Variants in CACNA1S observed in about 807,000 individuals in gnomAD.
CACNA1S encodes voltage-dependent L-type calcium channel subunit alpha-1S.
CACNA1S carries 126 observed loss-of-function variants against 207.4 expected under a neutral mutation model. That is an observed-to-expected ratio of 0.61 (90% CI 0.53 to 0.70). CACNA1S has a LOEUF of 0.70. CACNA1S is among the 30% of genes least tolerant of loss of function. The probability of loss-of-function intolerance (pLI) is 0.00; values close to 1 mark genes in which losing one functional copy is unlikely to be tolerated. For synonymous variants in CACNA1S, 960 were observed against 932.7 expected, an observed-to-expected ratio of 1.03 and a Z score of -0.53; for missense variants, 2,349 against 2,422.8, an observed-to-expected ratio of 0.97 and a Z score of 0.64.
At chr1:201,095,844 C>T (rs1035379321) in intron 2 of CACNA1S, among the ~76,000 whole-genome samples, 6 of 152,134 alleles carry the variant, frequency 3.9e-5, no homozygotes, top group African/African-American at 7.2e-5. Flanking sequence ...GCAAGAGGAG[C>T]GGGCTGGAGC....
chr1:201,069,233 G>C lies in CACNA1S; in HGVS notation c.2491-37C>G, dbSNP rs759283476. 3 of 1,584,990 alleles carry C rather than the reference G, an allele frequency of 1.9e-6. No individual in the cohort carries two copies. The South Asian group carries it at 3.3e-5, about 18-fold the overall frequency. ...GCAGGGGCGGGAGCAGCCAGTGAGAGGAGGAGGGGGCAACAGTATCAGCAG... is the reference window on the plus strand; with the variant it reads ...GCAGGGGCGGGAGCAGCCAGTGAGACGAGGAGGGGGCAACAGTATCAGCAG... On this transcript the variant is annotated intron_variant, in intron 18 of 43. Transcript: ENST00000362061.
At position 201,043,561 on chromosome 1, in the gene CACNA1S, G is replaced by C. The variant is rs555728100; in HGVS notation, c.4798-30C>G. On this transcript the variant is annotated intron_variant, in intron 39 of 43. Coordinates refer to ENST00000362061, the MANE Select transcript of CACNA1S (RefSeq NM_000069.3). ...GGGCAAGGAGAAGAGCAGTGACTGGGGGTGAGGGCAGGGAGGGCATGGGGG... is the reference window on the plus strand; with the variant it reads ...GGGCAAGGAGAAGAGCAGTGACTGGCGGTGAGGGCAGGGAGGGCATGGGGG... The C allele has an allele frequency of 1.9e-6, 3 of 1,612,952 alleles. No homozygotes were observed. The East Asian group carries it at 6.7e-5, about 36-fold the overall frequency.
Position 201,069,168 on chromosome 1 carries a change from GT to G in CACNA1S, c.2518del (p.Thr840ProfsTer12). The G allele has an allele frequency of 6.2e-7, 1 of 1,614,218 alleles. No homozygotes were observed. Among genetic ancestry groups the G allele is most frequent in the Non-Finnish European group, 8.5e-7 (1 of 1,180,024 alleles). On this transcript the variant is annotated frameshift_variant, in exon 19 of 44. Coordinates refer to ENST00000362061, the MANE Select transcript of CACNA1S (RefSeq NM_000069.3). LOFTEE classifies it high-confidence loss of function. ...GACAATCTCCACAGTGAAGACAGAG[GT>G]GAACCCGATGTCAAAGTGTTTAAGG... ...QILKHFDIGF[T>X]SVFTVEIVLK... is the part of the protein sequence containing the mutation.
At position 201,065,820 on chromosome 1, in the gene CACNA1S, G is replaced by A. The variant is rs768391679; in HGVS notation, c.2853+18C>T. 15 of 1,586,952 alleles carry A rather than the reference G, an allele frequency of 9.5e-6. No homozygotes were observed. The highest frequency in any genetic ancestry group is 3.3e-5 in the Admixed American group (2 of 59,946). ...CTGGGAGCGGGAGGGGGAGCTGCTC[G>A]CGCAGGCTGGGGCTCACCTTGAAGA... On this transcript the variant is annotated intron_variant, in intron 22 of 43. Coordinates refer to ENST00000362061, the MANE Select transcript of CACNA1S (RefSeq NM_000069.3).
In CACNA1S at chr1:201,079,034, T is replaced by C. The variant is rs185441370; in HGVS notation, c.1394-930A>G. On this transcript the variant is annotated intron_variant, in intron 10 of 43. Transcript: ENST00000362061. ...TACTCGGGAGGCTGAGGCAAGAGAA[T>C]CGCTTGAACCTGGGAGGCGGAGGTT... Among the ~76,000 whole-genome samples the C allele has an allele frequency of 7.1e-3, 1,062 of 150,608 alleles. 6 individuals carry two copies. The highest frequency in any genetic ancestry group is 0.028 in the Middle Eastern group (8 of 288).
chr1:201,069,428 AG>A, intron 18 of CACNA1S, 43 bp downstream of exon 18: 1 of 1,603,640 alleles, frequency 6.2e-7, no homozygotes. Context: ...CTGAGGCTGG[AG>A]GGGGCAGGGG....
In CACNA1S at chr1:201,091,666, T is replaced by A; in HGVS notation, c.668A>T (p.His223Leu). Residue 223 changes from histidine to leucine, a missense_variant, in exon 5 of 44, where the codon CAC becomes CTC. Coordinates refer to ENST00000362061, the MANE Select transcript of CACNA1S (RefSeq NM_000069.3). ...IGLELFKGKM[H>L]KTCYFIGTDI... ...TGTACCAATGAAGTAGCAGGTCTTG[T>A]GCATCTTGCCCTTGAAGAGCTCCAG... The A allele has an allele frequency of 6.2e-7, 1 of 1,614,210 alleles. No homozygotes were observed. Among genetic ancestry groups the A allele is most frequent in the Non-Finnish European group, 8.5e-7 (1 of 1,180,038 alleles).
chr1:201,089,496 A>T, intron 5 of CACNA1S, 33 bp from the exon 6 acceptor site: 2 of 1,603,638 alleles, frequency 1.2e-6, no homozygotes, highest in Middle Eastern at 1.9e-4. Context: ...ACATCAGACA[A>T]CAGTAGTAGG....
At chr1:201,060,231 T>C (rs900027034) in intron 26 of CACNA1S, among the ~76,000 whole-genome samples, 1 of 152,214 alleles carries the variant, frequency 6.6e-6, no homozygotes, top group Admixed American at 6.5e-5. Context: ...CTGCTAATTA[T>C]GATATTGTCT....
chr1:201,060,858 C>T, intron 25 of CACNA1S, 42 bp from the exon 26 acceptor site: 1 of 1,610,528 alleles, frequency 6.2e-7, no homozygotes, highest in Non-Finnish European at 8.5e-7. Context: ...CAAGAGGCCC[C>T]TCCCTCCCTC....
chr1:201,063,310 T>C (rs907990464), intron 22 of CACNA1S, among the ~76,000 whole-genome samples: 1 of 151,766 alleles, frequency 6.6e-6, no homozygotes. Flanking sequence ...CTTTTTTTTT[T>C]TTGTTTGCTC....
rs139589977 is a variant in CACNA1S at position 201,094,460 on chromosome 1, C to T, written c.259-439G>A. Among the ~76,000 whole-genome samples the T allele has an allele frequency of 2.2e-3, 327 of 151,768 alleles. 2 individuals are homozygous for T. Among genetic ancestry groups the T allele is most frequent in the African/African-American group, 7.6e-3 (315 of 41,396 alleles). On this transcript the variant is annotated intron_variant, in intron 2 of 43. Transcript: ENST00000362061. ...TTTTGTCCATTTTTTTTTCATTACT[C>T]GACTTCCAGATATTAGAATGGGTTG...
At chr1:201,091,921 G>A in intron 4 of CACNA1S, 51 bp downstream of exon 4, 3 of 1,612,104 alleles carry the variant, frequency 1.9e-6, no homozygotes, top group African/African-American at 1.3e-5. Context: ...TGGGGGACAA[G>A]GGAACAGGAA....
chr1:201,045,104 T>C (rs1174452557), intron 38 of CACNA1S, among the ~76,000 whole-genome samples: 1 of 152,226 alleles, frequency 6.6e-6, no homozygotes, highest in Non-Finnish European at 1.5e-5. Flanking sequence ...GTCATATATA[T>C]ATAGTTGAGC....
rs373597858 is a variant in CACNA1S at position 201,060,675 on chromosome 1, T to C, written c.3397A>G (p.Ile1133Val). Reference sequence around the variant, plus strand: ...GCCCTTACCTGCATGCCGAGGCAGATGGTGTTGAGCATGATGAGGGCAAAC... The same window carrying C: ...GCCCTTACCTGCATGCCGAGGCAGACGGTGTTGAGCATGATGAGGGCAAAC... ...LMFALIMLNT[I>V]CLGMQHYNQS... The change falls in exon 26 of 44, where the codon ATC becomes GTC. Residue 1133 changes from isoleucine to valine, a missense_variant. By Grantham distance (29) the Ile-to-Val change is conservative. Coordinates refer to ENST00000362061, the MANE Select transcript of CACNA1S (RefSeq NM_000069.3). The C allele has an allele frequency of 2.5e-6, 4 of 1,613,998 alleles. No individual in the cohort carries two copies. The highest frequency in any genetic ancestry group is 2.7e-5 in the African/African-American group (2 of 74,906).
At chr1:201,068,585 A>G (rs1311331202) in intron 19 of CACNA1S, among the ~76,000 whole-genome samples, 2 of 149,364 alleles carry the variant, frequency 1.3e-5, no homozygotes, top group African/African-American at 4.9e-5. Flanking sequence ...GAAAAATGCG[A>G]GAGTTCGCTG....
At position 201,066,369 on chromosome 1, in the gene CACNA1S, A is replaced by G. The variant is rs998189759; in HGVS notation, c.2658-53T>C. On this transcript the variant is annotated intron_variant, in intron 20 of 43. Transcript: ENST00000362061. The surrounding 1 kb of genome is among the most constrained non-coding windows in gnomAD (Gnocchi z 4.3). Reference sequence around the variant, plus strand: ...GAGGGCAGCCTGCTCCAGCCAGCCCAGTCTGCGGTGGAGCCTCCAGCCATA... The same window carrying G: ...GAGGGCAGCCTGCTCCAGCCAGCCCGGTCTGCGGTGGAGCCTCCAGCCATA... The G allele has an allele frequency of 6.7e-7, 1 of 1,494,986 alleles. No homozygotes were observed. Among genetic ancestry groups the G allele is most frequent in the Non-Finnish European group, 9.2e-7 (1 of 1,083,234 alleles). The allele number at this position is 1,494,986 out of a possible 1,614,324, so 92.6% of individuals were successfully genotyped here.
intron 2 of CACNA1S, 117 bp downstream of exon 2, chr1:201,110,047 G>T: frequency 2.1e-6 from 2 of 932,016 alleles, no homozygotes; most frequent in Non-Finnish European, 3.5e-6. Flanking sequence ...TGCAGGGCCT[G>T]CATCGTCAGG....
chr1:201,043,106 A>C (rs1660333268), intron 40 of CACNA1S, 175 bp downstream of exon 40: 2 of 731,772 alleles, frequency 2.7e-6, no homozygotes, highest in Non-Finnish European at 4.7e-6. Context: ...CTGGCCAAAG[A>C]AGCCTCTGCC....
Sources: gnomAD v4.1 joint callset for allele counts (sites outside exome capture counted in the v4.1 genomes callset) on GRCh38, gnomAD v4.1.1 for gene constraint, Gnocchi (gnomAD v3.1) non-coding constraint, MANE v1.5 for transcripts, NCBI Gene and HGNC (gene_info 2026-07-23, HGNC 2026-07-21) for gene names.